Variants in LRRC52 observed in about 807,000 individuals in gnomAD.
LRRC52 encodes leucine rich repeat containing 52.
LRRC52 carries 15 observed loss-of-function variants against 14.7 expected under a neutral mutation model. The ratio of observed to expected loss-of-function variants is 1.02; its 90% CI spans 0.68 to 1.58. LRRC52 has a LOEUF of 1.58. Ranked by LOEUF, LRRC52 falls within the 40% of genes most tolerant of loss-of-function variation. The pLI is 0.00. For missense variants in LRRC52, 400 were observed against 387.7 expected (o/e 1.03, Z -0.27); for synonymous variants, 180 against 163.9 (o/e 1.10, Z -0.75).
intron 1 of LRRC52, among the ~76,000 whole-genome samples, chr1:165,560,677 T>C (rs1661322286): frequency 6.6e-6 from 1 of 152,032 alleles, no homozygotes; most frequent in African/African-American, 2.4e-5. Context: ...TCTTAAAAGA[T>C]GGGAAGAACA....
In LRRC52 at chr1:165,544,758, C is replaced by T. The variant is rs751436196; in HGVS notation, c.462C>T (p.Tyr154=). The T allele has an allele frequency of 1.2e-6, 2 of 1,614,096 alleles. No individual in the cohort carries two copies. The highest frequency in any genetic ancestry group is 8.5e-7 in the Non-Finnish European group (1 of 1,180,024). The stretch of plus-strand genomic sequence containing the variant: ...TTGCCAACACCACCTCTTTGAGGTA[C>T]CTGGACCTCAGAAATACCGGCTTGC... The part of the protein sequence containing the change: ...FTFANTTSLR[Y]LDLRNTGLQT... Residue 154 remains tyrosine, a synonymous_variant, in exon 1 of 2, where the codon TAC becomes TAT. Coordinates refer to ENST00000294818, the MANE Select transcript of LRRC52 (RefSeq NM_001005214.4).
chr1:165,549,015 G>C lies in LRRC52; in HGVS notation c.622+4097G>C, dbSNP rs961062930. ...AATATAGATAGAATGTGGGAAGGTG[G>C]GTAGCTGCTTCTAAGACTCTAATCC... On this transcript the variant is annotated intron_variant, in intron 1 of 1. Coordinates refer to ENST00000294818, the MANE Select transcript of LRRC52 (RefSeq NM_001005214.4). 2.0e-5 allele frequency among the ~76,000 whole-genome samples: 3 copies of C among 152,126 alleles called. No individual in the cohort carries two copies. The South Asian group carries it at 6.2e-4, about 32-fold the overall frequency.
chr1:165,550,145 C>T (rs1382813357), intron 1 of LRRC52, among the ~76,000 whole-genome samples: 2 of 152,174 alleles, frequency 1.3e-5, no homozygotes, highest in African/African-American at 2.4e-5. Flanking sequence ...GTCATTAATG[C>T]TACTTGAAGG....
intron 1 of LRRC52, among the ~76,000 whole-genome samples, chr1:165,559,883 T>C (rs1404022165): frequency 2.6e-5 from 4 of 152,252 alleles, no homozygotes; most frequent in African/African-American, 9.6e-5. Flanking sequence ...TTATTTCAGT[T>C]CAGGGTTGTG....
chr1:165,553,094 A>G (rs141200897), intron 1 of LRRC52, among the ~76,000 whole-genome samples: 234 of 152,338 alleles, frequency 1.5e-3, no homozygotes, highest in Middle Eastern at 3.4e-3. Context: ...TCATCAACTT[A>G]CTAGTGATCA....
chr1:165,549,230 G>A (rs1392719567), intron 1 of LRRC52, among the ~76,000 whole-genome samples: 2 of 152,142 alleles, frequency 1.3e-5, no homozygotes, highest in Non-Finnish European at 2.9e-5. Flanking sequence ...GCAGCAGCAG[G>A]GTGCCTGTTC....
intron 1 of LRRC52, among the ~76,000 whole-genome samples, chr1:165,556,434 C>G (rs914797251): frequency 6.6e-6 from 1 of 152,134 alleles, no homozygotes; most frequent in African/African-American, 2.4e-5. Context: ...TTTGCACAAG[C>G]CCAAATAACA....
In LRRC52 at chr1:165,563,770, G is replaced by A; in HGVS notation, c.888G>A (p.Arg296=). The part of the protein sequence containing the change: ...DEAGTRVEVS[R]RIFQTQTSSV... ...CCGGGACTAGGGTGGAAGTCAGCCG[G>A]CGGATTTTTCAAACCCAGACGAGCT... Residue 296 remains arginine, a synonymous_variant, in exon 2 of 2, where the codon CGG becomes CGA. Transcript: ENST00000294818. 4 of 1,614,162 alleles carry A rather than the reference G, an allele frequency of 2.5e-6. No individual in the cohort carries two copies. Among genetic ancestry groups the A allele is most frequent in the Non-Finnish European group, 3.4e-6 (4 of 1,180,020 alleles).
In LRRC52 at chr1:165,563,616, A is replaced by G. The variant is rs1008024988; in HGVS notation, c.734A>G (p.Tyr245Cys). The G allele has an allele frequency of 7.4e-6, 12 of 1,614,092 alleles. No individual in the cohort carries two copies. Among genetic ancestry groups the G allele is most frequent in the African/African-American group, 1.3e-5 (1 of 74,926 alleles). Residue 245 changes from tyrosine (Y) to cysteine (C), a missense_variant, in exon 2 of 2, where the codon TAC becomes TGC. Coordinates refer to ENST00000294818, the MANE Select transcript of LRRC52 (RefSeq NM_001005214.4). ...ATCACGCACCTGGACCACAAAGACT[A>G]CATCTTCCTGCTGCTCATCGGCTTC... ...MCITHLDHKD[Y>C]IFLLLIGFCI...
At chr1:165,554,091 T>C (rs868628950) in intron 1 of LRRC52, among the ~76,000 whole-genome samples, 1 of 152,186 alleles carries the variant, frequency 6.6e-6, no homozygotes, top group African/African-American at 2.4e-5. Flanking sequence ...CAAGTCCTCA[T>C]GTGCAAAATG....
intron 1 of LRRC52, among the ~76,000 whole-genome samples, chr1:165,552,540 G>A (rs1215113043): frequency 3.9e-5 from 6 of 152,178 alleles, no homozygotes; most frequent in African/African-American, 9.7e-5. Context: ...TCCCGTAGGC[G>A]TTCAAGCCAG....
intron 1 of LRRC52, among the ~76,000 whole-genome samples, chr1:165,553,410 C>A (rs925440335): frequency 1.3e-5 from 2 of 152,138 alleles, no homozygotes; most frequent in African/African-American, 2.4e-5. Flanking sequence ...AACACCAATC[C>A]ATAATGGGCT....
At chr1:165,552,176 C>G (rs950964432) in intron 1 of LRRC52, among the ~76,000 whole-genome samples, 4 of 152,062 alleles carry the variant, frequency 2.6e-5, no homozygotes, top group African/African-American at 9.7e-5. Context: ...CTGGGTGATG[C>G]TGACACACTC....
At chr1:165,545,301 T>C (rs928207076) in intron 1 of LRRC52, among the ~76,000 whole-genome samples, 4 of 152,200 alleles carry the variant, frequency 2.6e-5, no homozygotes, top group African/African-American at 9.6e-5. Flanking sequence ...CAAGGTAATA[T>C]AGGGACACTG....
At chr1:165,547,269 A>G (rs1350448360) in intron 1 of LRRC52, among the ~76,000 whole-genome samples, 2 of 152,236 alleles carry the variant, frequency 1.3e-5, no homozygotes, top group Admixed American at 6.5e-5. Context: ...CTCAAATTAC[A>G]TAACTATCAT....
chr1:165,544,982 C>A, intron 1 of LRRC52, 64 bp downstream of exon 1: 1 of 1,577,350 alleles, frequency 6.3e-7, no homozygotes, highest in Non-Finnish European at 8.6e-7. Flanking sequence ...AAGGTGAACT[C>A]AAAAGATGGT....
chr1:165,554,938 T>C (rs980091516), intron 1 of LRRC52, among the ~76,000 whole-genome samples: 1 of 152,238 alleles, frequency 6.6e-6, no homozygotes, highest in Non-Finnish European at 1.5e-5. Context: ...GCACAGGCAT[T>C]GTCATCCCTA....
chr1:165,559,964 T>A (rs555572736), intron 1 of LRRC52, among the ~76,000 whole-genome samples: 1 of 152,168 alleles, frequency 6.6e-6, no homozygotes, highest in Non-Finnish European at 1.5e-5. Flanking sequence ...CACCATTCCA[T>A]TGGGGGCCAT....
At chr1:165,550,567 G>GGTAA (rs1557963914) in intron 1 of LRRC52, among the ~76,000 whole-genome samples, 1 of 152,174 alleles carries the variant, frequency 6.6e-6, no homozygotes, top group Non-Finnish European at 1.5e-5. Flanking sequence ...CAGAGTCACA[G>GGTAA]GTAAGTGGCT....
Sources: allele counts gnomAD v4.1 joint callset (sites outside exome capture counted in the v4.1 genomes callset), GRCh38; gene constraint gnomAD v4.1.1; transcripts MANE v1.5; gene names NCBI Gene and HGNC (gene_info 2026-07-23, HGNC 2026-07-21).